The following DPP9 variants were observed in gnomAD, a reference collection of about 807,000 sequenced individuals.
DPP9 encodes dipeptidyl peptidase IV-related protein-2.
DPP9 carries 50 observed loss-of-function variants against 110.7 expected under a neutral mutation model. That is an observed-to-expected ratio of 0.45 (90% CI 0.36 to 0.57). The LOEUF is 0.57. DPP9 is among the 20% of genes least tolerant of loss of function. DPP9 has a pLI of 0.00. For missense variants in DPP9, 1,022 were observed against 1,217.9 expected (o/e 0.84, Z 2.39); for synonymous variants, 561 against 514.4 (o/e 1.09, Z -1.23).
intron 20 of DPP9, among the ~76,000 whole-genome samples, chr19:4,681,842 CTT>C (rs778786711): frequency 5.3e-4 from 61 of 115,724 alleles, no homozygotes; most frequent in Admixed American, 1.4e-3. Flanking sequence ...CCCAGGCAGA[CTT>C]TTTTTTTTTT....
At chr19:4,706,554 G>A (rs1021637757) in intron 4 of DPP9, among the ~76,000 whole-genome samples, 8 of 152,042 alleles carry the variant, frequency 5.3e-5, no homozygotes, top group Admixed American at 3.3e-4. Flanking sequence ...CATGGCTCAC[G>A]CCTGTCATCC....
Position 4,702,081 on chromosome 19 carries a change from G to C in DPP9, c.958C>G (p.Pro320Ala). 1 of 1,613,968 alleles carries C rather than the reference G, an allele frequency of 6.2e-7. No individual in the cohort carries two copies. Among genetic ancestry groups the C allele is most frequent in the Non-Finnish European group, 8.5e-7 (1 of 1,179,858 alleles). ...DESEVEVIHV[P>A]SPALEERKTD... ...TTCCTTTCTTCTAGCGCAGGAGAGGGGACGTGAATGACCTCCACCTCGGAC... is the reference window on the plus strand; with the variant it reads ...TTCCTTTCTTCTAGCGCAGGAGAGGCGACGTGAATGACCTCCACCTCGGAC... The change falls in exon 9 of 22, where the codon CCC becomes GCC. Residue 320 changes from proline to alanine, a missense_variant. Physicochemically the swap from Pro to Ala is conservative, Grantham distance 27. Transcript: ENST00000262960.
chr19:4,679,547 T>G, intron 21 of DPP9: 2 of 425,714 alleles, frequency 4.7e-6, no homozygotes, highest in Non-Finnish European at 8.6e-6. Context: ...TCGGTAAGGG[T>G]TCCTCCCTCC....
chr19:4,678,974 A>C (rs1599854522), intron 21 of DPP9, among the ~76,000 whole-genome samples: 1 of 151,204 alleles, frequency 6.6e-6, no homozygotes, highest in South Asian at 2.1e-4. Context: ...AGCCCGAGTC[A>C]CCTCCCACCA....
intron 20 of DPP9, among the ~76,000 whole-genome samples, chr19:4,680,867 G>T (rs1194662830): frequency 6.6e-6 from 1 of 152,152 alleles, no homozygotes; most frequent in Non-Finnish European, 1.5e-5. Context: ...TGAGGCACGA[G>T]AATTGCTTTA....
Position 4,688,877 on chromosome 19 carries a change from C to T in DPP9, c.1765G>A (p.Val589Ile), listed in dbSNP as rs760022607. The change falls in exon 16 of 22, where the codon GTC (valine) becomes ATC (isoleucine). Residue 589 changes from valine to isoleucine, a missense_variant. By Grantham distance (29) the Val-to-Ile change is conservative. Around this residue, in one of 3 missense-constraint regions of DPP9, gnomAD observed 810 missense variants for 920.6 expected, o/e 0.88. Coordinates refer to ENST00000262960, the MANE Select transcript of DPP9 (RefSeq NM_139159.5). The part of the protein sequence containing the change: ...CSMSQNFDMF[V>I]SHYSSVSTPP... The stretch of plus-strand genomic sequence containing the variant: ...GTGCTCACGCTGCTGTAGTGGCTGA[C>T]GAACATGTCGAAGTTCTGGGGGTGG... 1.5e-5 allele frequency: 23 copies of T among 1,519,810 alleles called. No individual in the cohort carries two copies. The highest frequency in any genetic ancestry group is 1.8e-5 in the Non-Finnish European group (21 of 1,148,894). 94.1% of individuals were successfully genotyped at this position (1,519,810 alleles called of 1,614,324 possible). A position where few individuals can be genotyped will look rare whatever the true frequency, so the allele number is the denominator to read the frequency against.
chr19:4,721,760 A>G (rs1165100664), intron 2 of DPP9, among the ~76,000 whole-genome samples: 1 of 152,238 alleles, frequency 6.6e-6, no homozygotes. Flanking sequence ...CAGGGGTGAC[A>G]GAGCGAGGTT....
chr19:4,705,030 C>A (rs918919691), intron 5 of DPP9, among the ~76,000 whole-genome samples: 4 of 151,950 alleles, frequency 2.6e-5, no homozygotes, highest in African/African-American at 7.3e-5. Context: ...GCAAAATTAC[C>A]CCTACACTCT....
intron 20 of DPP9, among the ~76,000 whole-genome samples, chr19:4,681,670 T>A (rs574461688): frequency 5.9e-5 from 9 of 152,120 alleles, no homozygotes; most frequent in South Asian, 4.1e-4. Flanking sequence ...GTTCAAGCGA[T>A]TCTCCTGCCT....
At chr19:4,699,076 A>G (rs893635399) in intron 10 of DPP9, among the ~76,000 whole-genome samples, 6 of 148,338 alleles carry the variant, frequency 4.0e-5, no homozygotes, top group South Asian at 4.3e-4. Flanking sequence ...GGAGAATGGC[A>G]TGAACCCGGG....
intron 4 of DPP9, among the ~76,000 whole-genome samples, chr19:4,712,651 C>T (rs1211705302): frequency 6.6e-6 from 1 of 152,212 alleles, no homozygotes; most frequent in South Asian, 2.1e-4. Context: ...AGCTTGAGAA[C>T]AGCCAAAGAT....
chr19:4,685,171 A>T lies in DPP9; in HGVS notation c.2032-362T>A. The T allele has an allele frequency of 1.9e-6, 1 of 537,908 alleles. No individual in the cohort carries two copies. Among genetic ancestry groups the T allele is most frequent in the South Asian group, 1.5e-5 (1 of 65,288 alleles). The allele number at this position is 537,908 out of a possible 1,614,324, so 33.3% of individuals were successfully genotyped here. ...GCCACTCCAGGCCAGGAGAACTCGCAGTGGTGATGAACCACAAAGTACCCA... is the reference window on the plus strand; with the variant it reads ...GCCACTCCAGGCCAGGAGAACTCGCTGTGGTGATGAACCACAAAGTACCCA... On this transcript the variant is annotated intron_variant, in intron 17 of 21. Transcript: ENST00000262960. This position sits in a 1 kb window ranked among gnomAD's most constrained non-coding sequence, Gnocchi z 5.8.
At chr19:4,714,384 T>C (rs1238865160) in intron 3 of DPP9, 47 bp from the exon 4 acceptor site, 41 of 1,452,436 alleles carry the variant, frequency 2.8e-5, no homozygotes, top group Non-Finnish European at 5.4e-6. Flanking sequence ...CTGTTTTACC[T>C]ACGAGCTGCC....
rs1301192156 is a variant in DPP9, at chr19:4,710,342, G to A, written c.313+3739C>T. On this transcript the variant is annotated intron_variant, in intron 4 of 21. Transcript: ENST00000262960. The surrounding 1 kb of genome is among the most constrained non-coding windows in gnomAD (Gnocchi z 5.6). ...TTCGAGGGAGTTCCAGAACTGTCTG[G>A]AACCCTGTGGCCTCCTCCAGCCACA... 6.6e-6 allele frequency among the ~76,000 whole-genome samples: 1 copy of A among 152,214 alleles called. No individual in the cohort carries two copies. The highest frequency in any genetic ancestry group is 1.5e-5 in the Non-Finnish European group (1 of 68,028).
In DPP9 at chr19:4,695,509, C is replaced by A; in HGVS notation, c.1222G>T (p.Val408Phe). 6.5e-7 allele frequency: 1 copy of A among 1,538,522 alleles called. No individual in the cohort carries two copies. The highest frequency in any genetic ancestry group is 8.7e-7 in the Non-Finnish European group (1 of 1,145,396). Residue 408 changes from valine to phenylalanine, a missense_variant, in exon 12 of 22, where the codon GTC becomes TTC. Physicochemically the swap from Val to Phe is conservative, Grantham distance 50. Around this residue, in one of 3 missense-constraint regions of DPP9, gnomAD observed 810 missense variants for 920.6 expected, o/e 0.88. Transcript: ENST00000262960. The surrounding 1 kb of genome is among the most constrained non-coding windows in gnomAD (Gnocchi z 4.7). The stretch of plus-strand genomic sequence containing the variant: ...ATGAACAGGGCCGGGGGGAGGAGGA[C>A]GAGCTGGAGCCACTGCTGGGGCCGG... ...LDRPQQWLQL[V>F]LLPPALFIPS...
chr19:4,710,533 CT>C lies in DPP9; in HGVS notation c.313+3547del, dbSNP rs756482057. ...CCCCGCTGCTCCTGCTAGCCTGACG[CT>C]GGGGGCTTTATCATGTGGATCTGAA... On this transcript the variant is annotated intron_variant, in intron 4 of 21. Coordinates refer to ENST00000262960, the MANE Select transcript of DPP9 (RefSeq NM_139159.5). This position sits in a 1 kb window ranked among gnomAD's most constrained non-coding sequence, Gnocchi z 5.6. Among the ~76,000 whole-genome samples, 7 of 152,204 alleles carry C rather than the reference CT, an allele frequency of 4.6e-5. No individual in the cohort carries two copies. The highest frequency in any genetic ancestry group is 1.0e-4 in the Non-Finnish European group (7 of 68,028).
rs2092156761 is a variant in DPP9, at chr19:4,700,346, G to A, written c.1013-69C>T. The A allele has an allele frequency of 2.2e-6, 3 of 1,378,724 alleles. No homozygotes were observed. Among genetic ancestry groups the A allele is most frequent in the Admixed American group, 2.1e-5 (1 of 47,718 alleles). 85.4% of individuals were successfully genotyped at this position (1,378,724 alleles called of 1,614,324 possible). A position where few individuals can be genotyped will look rare whatever the true frequency, so the allele number is the denominator to read the frequency against. On this transcript the variant is annotated intron_variant, in intron 9 of 21. Transcript: ENST00000262960. The surrounding 1 kb of genome is among the most constrained non-coding windows in gnomAD (Gnocchi z 4.3). ...GTGTGTGCCGAGAGCCGGCACGGGG[G>A]GCCTGGGCTGTGGGGTGACGTCCAC...
At position 4,684,287 on chromosome 19, in the gene DPP9, C is replaced by G; in HGVS notation, c.2178+376G>C. ...CGTGGGAACAGAGAGCAGCCCTCCC[C>G]GACACAGCCCTGCCTTGGCCTTGGA... On this transcript the variant is annotated intron_variant, in intron 18 of 21. Transcript: ENST00000262960. This position sits in a 1 kb window ranked among gnomAD's most constrained non-coding sequence, Gnocchi z 4.8. The G allele has an allele frequency of 3.4e-6, 1 of 291,428 alleles. No individual in the cohort carries two copies. The highest frequency in any genetic ancestry group is 6.6e-6 in the Non-Finnish European group (1 of 151,190). The allele number at this position is 291,428 out of a possible 1,614,324, so 18.1% of individuals were successfully genotyped here. A position where few individuals can be genotyped will look rare whatever the true frequency, so the allele number is the denominator to read the frequency against.
intron 4 of DPP9, 49 bp downstream of exon 4, chr19:4,714,032 T>A: frequency 6.5e-7 from 1 of 1,549,308 alleles, no homozygotes; most frequent in South Asian, 1.2e-5. Flanking sequence ...CAGGGAACTG[T>A]GGTCCCAGAT....
Sources: gnomAD v4.1 joint callset for allele counts (sites outside exome capture counted in the v4.1 genomes callset) on GRCh38, gnomAD v4.1.1 for gene constraint, gnomAD v4.1.1 regional missense constraint, Gnocchi (gnomAD v3.1) non-coding constraint, MANE v1.5 for transcripts, NCBI Gene and HGNC (gene_info 2026-07-23, HGNC 2026-07-21) for gene names.